Variants in ITFG1 observed in about 807,000 individuals in gnomAD.
ITFG1 encodes T-cell immunomodulatory protein.
Under a neutral mutation model 81.8 loss-of-function variants are expected in ITFG1, and 34 were observed. The observed-to-expected ratio is 0.42, with a 90% CI of 0.32 to 0.55. The LOEUF is 0.55. Ranked by LOEUF, ITFG1 falls within the 20% of genes least tolerant of loss-of-function variation. The pLI is 0.17. For synonymous variants in ITFG1, 285 were observed against 270.6 expected (o/e 1.05, Z -0.52); for missense variants, 672 against 755.4 (o/e 0.89, Z 1.29).
chr16:47,288,758 C>A (rs1439379753), intron 10 of ITFG1, among the ~76,000 whole-genome samples: 1 of 152,074 alleles, frequency 6.6e-6, no homozygotes, highest in Admixed American at 6.6e-5. Flanking sequence ...AACTAGCCAG[C>A]GTGGTGGTGC....
rs1316849112 is a variant in ITFG1, at chr16:47,216,620, C to G, written c.1453+2248G>C. On this transcript the variant is annotated intron_variant, in intron 14 of 17. Transcript: ENST00000320640. ...AAGATAAATGTTAATTTTTTATTAACTTTTCTTCTATGAAGTGAGAATTAT... is the reference window on the plus strand; with the variant it reads ...AAGATAAATGTTAATTTTTTATTAAGTTTTCTTCTATGAAGTGAGAATTAT... Among the ~76,000 whole-genome samples, 3 of 151,940 alleles carry G rather than the reference C, an allele frequency of 2.0e-5. No homozygotes were observed. In the East Asian group the frequency reaches 5.8e-4, roughly 29 times the overall value.
intron 5 of ITFG1, among the ~76,000 whole-genome samples, chr16:47,441,580 A>G (rs1202557120): frequency 3.3e-5 from 5 of 152,204 alleles, no homozygotes; most frequent in Non-Finnish European, 7.3e-5. Context: ...GACAAAAACC[A>G]CATGGTTATC....
intron 1 of ITFG1, among the ~76,000 whole-genome samples, chr16:47,459,763 G>C (rs1969501602): frequency 1.3e-5 from 2 of 152,180 alleles, no homozygotes; most frequent in Non-Finnish European, 2.9e-5. Context: ...ATCAAACACA[G>C]GCCATCTTTA....
chr16:47,312,959 A>G (rs1403574453), intron 9 of ITFG1: 3 of 152,176 alleles, frequency 2.0e-5, no homozygotes, highest in Non-Finnish European at 4.4e-5. Flanking sequence ...AAGTGATTCA[A>G]AACCTTAAAA....
intron 6 of ITFG1, among the ~76,000 whole-genome samples, chr16:47,411,393 G>A (rs1968809008): frequency 2.0e-5 from 3 of 152,132 alleles, no homozygotes; most frequent in Non-Finnish European, 4.4e-5. Context: ...CAGATACCGG[G>A]GAGGCCACCA....
At chr16:47,368,282 T>C (rs934723157) in intron 7 of ITFG1, among the ~76,000 whole-genome samples, 3 of 143,836 alleles carry the variant, frequency 2.1e-5, no homozygotes, top group Admixed American at 7.0e-5. Context: ...CCGGGCATGG[T>C]GGCTCACACT....
intron 6 of ITFG1, among the ~76,000 whole-genome samples, chr16:47,419,377 C>T (rs1232945181): frequency 6.6e-6 from 1 of 151,946 alleles, no homozygotes; most frequent in Non-Finnish European, 1.5e-5. Context: ...CAAGCAATCC[C>T]CCCATCTCAG....
intron 13 of ITFG1, among the ~76,000 whole-genome samples, chr16:47,233,652 A>AC (rs1319340967): frequency 1.3e-5 from 2 of 152,212 alleles, no homozygotes; most frequent in African/African-American, 4.8e-5. Context: ...CAAAAGCCTA[A>AC]CTGACCTGGG....
chr16:47,421,233 T>C (rs911431817), intron 6 of ITFG1, among the ~76,000 whole-genome samples: 1 of 151,276 alleles, frequency 6.6e-6, no homozygotes, highest in Non-Finnish European at 1.5e-5. Context: ...TGTGTGTGTA[T>C]ATATATGTAT....
At chr16:47,244,589 TTTTGTGTGTGTGTGTGTGTGTGTG>T (rs1404295325) in intron 12 of ITFG1, among the ~76,000 whole-genome samples, 4 of 140,788 alleles carry the variant, frequency 2.8e-5, no homozygotes, top group Admixed American at 2.3e-4. Context: ...GTATTCCATC[TTTTGTGTGTGTGTGTGTGTGTGTG>T]TGTGTGTGTG....
At chr16:47,325,016 T>C (rs1377557952) in intron 8 of ITFG1, among the ~76,000 whole-genome samples, 2 of 152,138 alleles carry the variant, frequency 1.3e-5, no homozygotes, top group Admixed American at 1.3e-4. Flanking sequence ...CTACCCCAAA[T>C]CAACAGAATA....
chr16:47,190,141 T>C (rs1227617994), intron 14 of ITFG1, among the ~76,000 whole-genome samples: 1 of 152,160 alleles, frequency 6.6e-6, no homozygotes, highest in Non-Finnish European at 1.5e-5. Context: ...ATTTTCCTTG[T>C]TGGAGATCTG....
At chr16:47,161,706 A>G (rs754077246) in intron 16 of ITFG1, 44 bp downstream of exon 16, 7 of 1,163,972 alleles carry the variant, frequency 6.0e-6, no homozygotes, top group Non-Finnish European at 2.6e-6. Flanking sequence ...TATAATTCAG[A>G]GTTAGCAGTG....
Position 47,319,465 on chromosome 16 carries a change from T to C in ITFG1, c.803-5642A>G, listed in dbSNP as rs147247187. Among the ~76,000 whole-genome samples, 148 of 152,348 alleles carry C rather than the reference T, an allele frequency of 9.7e-4. 2 individuals carry two copies. Among genetic ancestry groups the C allele is most frequent in the Non-Finnish European group, 2.8e-4 (19 of 68,026 alleles). On this transcript the variant is annotated intron_variant, in intron 8 of 17. Transcript: ENST00000320640. Reference sequence around the variant, plus strand: ...AAGTAAGAAATGGTATTTTAAGAAGTAGCTAGTTTAGCTTGCAACTTAATC... The same window carrying C: ...AAGTAAGAAATGGTATTTTAAGAAGCAGCTAGTTTAGCTTGCAACTTAATC...
chr16:47,434,445 A>C (rs977271237), intron 5 of ITFG1, among the ~76,000 whole-genome samples: 2 of 152,198 alleles, frequency 1.3e-5, no homozygotes, highest in African/African-American at 4.8e-5. Flanking sequence ...AAACACGAAA[A>C]AAAAGCTCAA....
chr16:47,448,836 A>C (rs1596991653), intron 5 of ITFG1: 1 of 152,232 alleles, frequency 6.6e-6, no homozygotes, highest in South Asian at 2.1e-4. Context: ...GTTATTTCTA[A>C]GTAATATGGC....
chr16:47,209,571 T>C (rs1021129631), intron 14 of ITFG1, among the ~76,000 whole-genome samples: 8 of 152,288 alleles, frequency 5.3e-5, no homozygotes, highest in Admixed American at 1.3e-4. Context: ...TTTTCTCCCA[T>C]GGTAACATCT....
At chr16:47,440,115 C>G (rs1969226335) in intron 5 of ITFG1, among the ~76,000 whole-genome samples, 1 of 152,092 alleles carries the variant, frequency 6.6e-6, no homozygotes, top group Non-Finnish European at 1.5e-5. Flanking sequence ...GTAAAGGGAT[C>G]AATTCAACAA....
chr16:47,457,799 A>G (rs1212134188), intron 2 of ITFG1, among the ~76,000 whole-genome samples: 1 of 152,138 alleles, frequency 6.6e-6, no homozygotes, highest in East Asian at 1.9e-4. Flanking sequence ...TAAAAAAAAA[A>G]TCACCTCTAT....
Sources: gnomAD v4.1 joint callset for allele counts (sites outside exome capture counted in the v4.1 genomes callset) on GRCh38, gnomAD v4.1.1 for gene constraint, MANE v1.5 for transcripts, NCBI Gene and HGNC (gene_info 2026-07-23, HGNC 2026-07-21) for gene names.